SPMAP2: variants seen among roughly 807,000 people sequenced by gnomAD.
The protein encoded by SPMAP2 is sperm microtubule associated protein 2, also known as Theg homolog.
the SPMAP2 span, chr19:371,207 C>T: frequency 6.9e-7 from 1 of 1,449,024 alleles, no homozygotes. Context: ...GCACCCACCT[C>T]AGACATGGGC....
At chr19:372,277 T>G in the SPMAP2 span, among the ~76,000 whole-genome samples, 4 of 152,272 alleles carry the variant, frequency 2.6e-5, no homozygotes, top group African/African-American at 7.2e-5. Context: ...CATAAAATAC[T>G]AATGTGTCTT....
chr19:375,831 C>T, the SPMAP2 span: 41 of 1,605,554 alleles, frequency 2.6e-5, no homozygotes, highest in South Asian at 1.6e-4. Context: ...CAGGTCCTGG[C>T]GTTCGGGGTC....
the SPMAP2 span, among the ~76,000 whole-genome samples, chr19:367,964 G>A: frequency 6.6e-6 from 1 of 152,128 alleles, no homozygotes; most frequent in African/African-American, 2.4e-5. Context: ...CACGAAACAC[G>A]ACCTAGGGGA....
chr19:367,103 G>T, the SPMAP2 span: 8 of 1,613,066 alleles, frequency 5.0e-6, no homozygotes, highest in Non-Finnish European at 5.9e-6. Context: ...TGACACATGT[G>T]GCTTGGGTTT....
the SPMAP2 span, chr19:371,363 G>GTT: frequency 2.0e-6 from 2 of 999,650 alleles, no homozygotes; most frequent in East Asian, 6.2e-5. Flanking sequence ...CTCGGCCGGG[G>GTT]GTGGGGGTGT....
chr19:366,200 C>T, the SPMAP2 span, among the ~76,000 whole-genome samples: 6 of 152,008 alleles, frequency 3.9e-5, no homozygotes, highest in Non-Finnish European at 7.4e-5. Flanking sequence ...CCGTCATTCT[C>T]TCACACACGC....
At chr19:362,639 G>A in the SPMAP2 span, among the ~76,000 whole-genome samples, 4 of 151,908 alleles carry the variant, frequency 2.6e-5, no homozygotes, top group Admixed American at 1.3e-4. Flanking sequence ...GTGGTGGTGC[G>A]TCTCTAGTCC....
the SPMAP2 span, among the ~76,000 whole-genome samples, chr19:363,001 G>A: frequency 1.3e-5 from 2 of 152,068 alleles, no homozygotes; most frequent in African/African-American, 2.4e-5. Flanking sequence ...AAATGTCCAG[G>A]ACAGGCCAAT....
At chr19:370,745 G>C in the SPMAP2 span, among the ~76,000 whole-genome samples, 3 of 152,214 alleles carry the variant, frequency 2.0e-5, no homozygotes, top group Admixed American at 2.0e-4. Flanking sequence ...AATTGAACCG[G>C]CGACGACAAG....
chr19:364,336 C>CAAAAAA, the SPMAP2 span, among the ~76,000 whole-genome samples: 3 of 74,126 alleles, frequency 4.0e-5, no homozygotes, highest in Non-Finnish European at 4.8e-5. Context: ...AGCTCTGTCT[C>CAAAAAA]AAAAAAAAAA....
At chr19:371,386 G>C in the SPMAP2 span, 96 of 692,046 alleles carry the variant, frequency 1.4e-4, 1 homozygote, top group African/African-American at 1.7e-3. Flanking sequence ...GTGTGTGTGT[G>C]TGTGTGTGTG....
the SPMAP2 span, chr19:374,511 C>T: frequency 1.9e-6 from 3 of 1,548,866 alleles, no homozygotes; most frequent in South Asian, 2.4e-5. Context: ...GCTCAAGCGC[C>T]TTTTGTCTGC....
the SPMAP2 span, chr19:367,048 C>G: frequency 3.7e-6 from 6 of 1,612,498 alleles, no homozygotes; most frequent in Non-Finnish European, 4.2e-6. Context: ...AATGCCTAGC[C>G]TGAGGCACCT....
At chr19:363,022 G>C in the SPMAP2 span, among the ~76,000 whole-genome samples, 2 of 152,134 alleles carry the variant, frequency 1.3e-5, no homozygotes, top group Non-Finnish European at 2.9e-5. Context: ...CCAGAGTCCG[G>C]AAGTGAACGT....
chr19:375,168 C>T, the SPMAP2 span, among the ~76,000 whole-genome samples: 1 of 152,168 alleles, frequency 6.6e-6, no homozygotes, highest in Non-Finnish European at 1.5e-5. Context: ...AGCAACTGCC[C>T]AAAATCAGCG....
chr19:374,084 C>T, the SPMAP2 span: 1 of 1,541,906 alleles, frequency 6.5e-7, no homozygotes, highest in South Asian at 1.1e-5. Flanking sequence ...ACTCCTCACT[C>T]TCCTTTGGCC....
the SPMAP2 span, chr19:373,631 G>A: frequency 7.4e-6 from 9 of 1,213,550 alleles, no homozygotes; most frequent in South Asian, 1.3e-5. Flanking sequence ...GAGGTGGGGT[G>A]TGGAGTTGCT....
the SPMAP2 span, chr19:366,914 A>AC: frequency 1.1e-6 from 1 of 908,062 alleles, no homozygotes; most frequent in Non-Finnish European, 1.7e-6. Flanking sequence ...CTCAGACAAC[A>AC]CCCTCTGCTT....
chr19:367,296 A>G, the SPMAP2 span: 1 of 1,415,236 alleles, frequency 7.1e-7, no homozygotes, highest in Non-Finnish European at 9.5e-7. Context: ...GAGCTGAAGG[A>G]CCCCAGGAGC....
Sources: gnomAD v4.1 joint callset for allele counts (sites outside exome capture counted in the v4.1 genomes callset) on GRCh38, gnomAD v4.1.1 for gene constraint, MANE v1.5 for transcripts, NCBI Gene and HGNC (gene_info 2026-07-23, HGNC 2026-07-21) for gene names.